Variants in TENM2 observed in about 807,000 individuals in gnomAD.
TENM2 encodes the protein teneurin-2.
In TENM2, 52 loss-of-function variants were observed where a neutral mutation model predicts 245.2. That is an observed-to-expected ratio of 0.21 (90% CI 0.17 to 0.27). TENM2 has a LOEUF of 0.27. Ranked by LOEUF, TENM2 falls within the 10% of genes least tolerant of loss-of-function variation. The pLI, the probability that TENM2 is intolerant of heterozygous loss-of-function variation, is 1.00. For synonymous variants in TENM2, 1,363 were observed against 1,438.9 expected (o/e 0.95, Z 1.19); for missense variants, 3,046 against 3,666.8 (o/e 0.83, Z 4.37).
intron 2 of TENM2, among the ~76,000 whole-genome samples, chr5:167,409,329 AT>A (rs1762791089): frequency 6.6e-6 from 1 of 152,002 alleles, no homozygotes; most frequent in South Asian, 2.1e-4. Flanking sequence ...AGAAAATGTG[AT>A]GAGAATGTCT....
the TENM2 span, among the ~76,000 whole-genome samples, chr5:167,239,638 G>A: frequency 0.65 from 98,133 of 151,712 alleles, 33,997 homozygotes; most frequent in Middle Eastern, 0.86. Flanking sequence ...TTTGAAAGCA[G>A]ATGTGTTTGC....
intron 12 of TENM2, among the ~76,000 whole-genome samples, chr5:168,160,501 G>GT (rs142350294): frequency 1.1e-4 from 16 of 152,280 alleles, no homozygotes; most frequent in African/African-American, 3.8e-4. Context: ...AGATTCCCTG[G>GT]TAAGAGTCTC....
chr5:167,216,007 A>G, the TENM2 span, among the ~76,000 whole-genome samples: 1 of 152,248 alleles, frequency 6.6e-6, no homozygotes, highest in Admixed American at 6.5e-5. Context: ...ATCTAATTTT[A>G]GAACTTACTT....
Position 168,072,153 on chromosome 5 carries a change from G to A in TENM2, c.1515+9888G>A, listed in dbSNP as rs569088371. Among the ~76,000 whole-genome samples, 9 of 152,266 alleles carry A rather than the reference G, an allele frequency of 5.9e-5. 1 individual carries two copies. The East Asian group carries it at 1.7e-3, about 29-fold the overall frequency. On this transcript the variant is annotated intron_variant, in intron 7 of 28. Transcript: ENST00000518659. ...GGACAAGGAGCCAAATGTGACATTT[G>A]ATAAACCATTGCTAAAGACAATTAG...
intron 2 of TENM2, among the ~76,000 whole-genome samples, chr5:167,793,874 A>G (rs1288586483): frequency 1.3e-5 from 2 of 151,848 alleles, no homozygotes; most frequent in Non-Finnish European, 2.9e-5. Flanking sequence ...GTAAGCAAGC[A>G]TGACCAACTA....
intron 2 of TENM2, among the ~76,000 whole-genome samples, chr5:167,779,883 G>T (rs1313203451): frequency 6.6e-6 from 1 of 152,172 alleles, no homozygotes; most frequent in Non-Finnish European, 1.5e-5. Context: ...TGGGGAGGGA[G>T]GAAGGAAACA....
chr5:167,580,212 GCTAA>G (rs1774993231), intron 2 of TENM2, among the ~76,000 whole-genome samples: 1 of 152,200 alleles, frequency 6.6e-6, no homozygotes, highest in South Asian at 2.1e-4. Flanking sequence ...TGGCACCTCT[GCTAA>G]TGCTATGCAA....
At chr5:168,237,521 A>G (rs1329742298) in intron 25 of TENM2, among the ~76,000 whole-genome samples, 1 of 152,128 alleles carries the variant, frequency 6.6e-6, no homozygotes, top group African/African-American at 2.4e-5. Flanking sequence ...AGATGAGGAA[A>G]CTGAGACATG....
intron 2 of TENM2, among the ~76,000 whole-genome samples, chr5:167,742,756 G>C (rs545140543): frequency 6.6e-6 from 1 of 151,204 alleles, no homozygotes; most frequent in Non-Finnish European, 1.5e-5. Flanking sequence ...TTTGAGACCA[G>C]CCTGGGCAAC....
chr5:168,245,511 T>C (rs1393756711), intron 26 of TENM2, among the ~76,000 whole-genome samples: 1 of 150,704 alleles, frequency 6.6e-6, no homozygotes, highest in East Asian at 2.0e-4. Flanking sequence ...CATGATTCCC[T>C]GTGTCTGAAA....
At chr5:167,233,403 A>G in the TENM2 span, among the ~76,000 whole-genome samples, 2 of 152,162 alleles carry the variant, frequency 1.3e-5, no homozygotes, top group African/African-American at 4.8e-5. Flanking sequence ...CAAGCAGGAA[A>G]CAAGTTATAA....
intron 2 of TENM2, among the ~76,000 whole-genome samples, chr5:167,414,220 C>G (rs774452976): frequency 3.3e-5 from 5 of 151,970 alleles, no homozygotes; most frequent in Non-Finnish European, 7.4e-5. Context: ...TGTAAGTTTT[C>G]TGATAAAGGC....
chr5:167,020,677 G>A, the TENM2 span, among the ~76,000 whole-genome samples: 1 of 152,214 alleles, frequency 6.6e-6, no homozygotes, highest in Non-Finnish European at 1.5e-5. Context: ...CAGAAGCCAA[G>A]TGAATTGCCA....
intron 1 of TENM2, among the ~76,000 whole-genome samples, chr5:167,360,277 T>G (rs1581839264): frequency 1.3e-5 from 2 of 152,216 alleles, no homozygotes; most frequent in South Asian, 2.1e-4. Context: ...TGTTAACTGT[T>G]TAATGTCTGT....
At chr5:168,112,775 C>A (rs994202371) in intron 9 of TENM2, among the ~76,000 whole-genome samples, 1 of 152,082 alleles carries the variant, frequency 6.6e-6, no homozygotes, top group Admixed American at 6.5e-5. Context: ...TGAGGGGTCA[C>A]CGAGCTTTGT....
At chr5:167,410,347 A>C (rs1199849149) in intron 2 of TENM2, among the ~76,000 whole-genome samples, 2 of 152,038 alleles carry the variant, frequency 1.3e-5, no homozygotes, top group Non-Finnish European at 1.5e-5. Flanking sequence ...GGTGCTCAGA[A>C]TCATCTTGGA....
intron 2 of TENM2, among the ~76,000 whole-genome samples, chr5:167,731,857 G>A (rs1473061851): frequency 1.3e-5 from 2 of 151,924 alleles, no homozygotes; most frequent in South Asian, 2.1e-4. Flanking sequence ...AAAAGTAGGT[G>A]CTCATTAAAT....
chr5:167,281,442 G>C (rs941465316), upstream of TENM2, among the ~76,000 whole-genome samples: 77 of 152,054 alleles, frequency 5.1e-4, no homozygotes, highest in African/African-American at 1.7e-3. Flanking sequence ...TAACAGGCAG[G>C]CTAAATACAA....
chr5:167,273,230 C>T, the TENM2 span, among the ~76,000 whole-genome samples: 17,203 of 152,164 alleles, frequency 0.11, 1,141 homozygotes, highest in East Asian at 0.18. Context: ...GCAGTGTGAA[C>T]GCTCTTCAAG....
Sources: gnomAD v4.1 joint callset for allele counts (sites outside exome capture counted in the v4.1 genomes callset) on GRCh38, gnomAD v4.1.1 for gene constraint, MANE v1.5 for transcripts, NCBI Gene and HGNC (gene_info 2026-07-23, HGNC 2026-07-21) for gene names.